SRD5A1: variants seen among roughly 807,000 people sequenced by gnomAD.
SRD5A1 encodes the protein 3-oxo-5-alpha-steroid 4-dehydrogenase 1.
A neutral mutation model predicts 28.2 loss-of-function variants in SRD5A1; 22 were observed. The ratio of observed to expected loss-of-function variants is 0.78; its 90% CI spans 0.56 to 1.12. The LOEUF is 1.12. SRD5A1 is among the 50% of genes most tolerant of loss of function. The pLI is 0.00. For synonymous variants in SRD5A1, 151 were observed against 135.0 expected (o/e 1.12, Z -0.82); for missense variants, 300 against 346.7 (o/e 0.87, Z 1.07).
chr5:6,647,759 C>T (rs1456824790), intron 1 of SRD5A1, among the ~76,000 whole-genome samples: 2 of 152,234 alleles, frequency 1.3e-5, no homozygotes, highest in East Asian at 3.9e-4. Context: ...GGCATTTAGC[C>T]TGTTTACATT....
intron 3 of SRD5A1, among the ~76,000 whole-genome samples, chr5:6,659,117 C>CT (rs1202937847): frequency 0.055 from 7,698 of 140,824 alleles, 496 homozygotes; most frequent in African/African-American, 0.15. Flanking sequence ...AAAAAAAAAT[C>CT]TTTTTTTTTT....
intron 2 of SRD5A1, among the ~76,000 whole-genome samples, chr5:6,654,281 T>TC (rs1298278592): frequency 6.6e-6 from 1 of 152,028 alleles, no homozygotes; most frequent in Non-Finnish European, 1.5e-5. Flanking sequence ...GGTCTTGGAC[T>TC]CCTGACCTCA....
chr5:6,658,784 A>G (rs1738906926), intron 3 of SRD5A1, among the ~76,000 whole-genome samples: 3 of 152,026 alleles, frequency 2.0e-5, no homozygotes, highest in African/African-American at 7.2e-5. Flanking sequence ...AAACCACAGA[A>G]GCATGTTAGA....
chr5:6,637,792 C>T (rs987382380), intron 1 of SRD5A1, among the ~76,000 whole-genome samples: 3 of 152,236 alleles, frequency 2.0e-5, no homozygotes, highest in East Asian at 1.9e-4. Flanking sequence ...CTTTCTGACA[C>T]CTGTCCCAGG....
At chr5:6,654,542 T>G (rs1026337797) in intron 2 of SRD5A1, among the ~76,000 whole-genome samples, 9 of 152,348 alleles carry the variant, frequency 5.9e-5, no homozygotes, top group African/African-American at 2.2e-4. Context: ...CAAGCAATTC[T>G]TGTGCCTCAA....
chr5:6,642,144 G>A (rs534656348), intron 1 of SRD5A1, among the ~76,000 whole-genome samples: 2 of 152,242 alleles, frequency 1.3e-5, no homozygotes, highest in Admixed American at 6.5e-5. Context: ...TTCTTGGTGA[G>A]GGATAACATT....
In SRD5A1 at chr5:6,659,259, G is replaced by A. The variant is rs1399184935; in HGVS notation, c.562+3080G>A. On this transcript the variant is annotated intron_variant, in intron 3 of 4. Coordinates refer to ENST00000274192, the MANE Select transcript of SRD5A1 (RefSeq NM_001047.4). The stretch of plus-strand genomic sequence containing the variant: ...CCCCCGAGTAGCTGGGACTACAGGC[G>A]CCCGCCACCACGCCTGGCTAATTTT... 3.9e-5 allele frequency among the ~76,000 whole-genome samples: 6 copies of A among 151,906 alleles called. No individual in the cohort carries two copies. In the East Asian group the frequency reaches 5.9e-4, roughly 15 times the overall value.
At chr5:6,654,494 C>T (rs527856394) in intron 2 of SRD5A1, among the ~76,000 whole-genome samples, 6 of 152,098 alleles carry the variant, frequency 3.9e-5, no homozygotes, top group South Asian at 2.1e-4. Context: ...AGTGCAGTGG[C>T]GTGATCTTGG....
chr5:6,651,701 A>G, intron 1 of SRD5A1, 141 bp from the exon 2 acceptor site: 1 of 805,852 alleles, frequency 1.2e-6, no homozygotes, highest in Non-Finnish European at 1.9e-6. Flanking sequence ...TAGCTTAGAT[A>G]TAATAAATTA....
intron 4 of SRD5A1, among the ~76,000 whole-genome samples, chr5:6,666,354 C>T (rs8192241): frequency 0.014 from 2,102 of 152,188 alleles, 18 homozygotes; most frequent in Non-Finnish European, 0.016. Flanking sequence ...TTCACCGTGT[C>T]AGCCAGGATG....
At chr5:6,655,119 CTG>C (rs764531924) in intron 2 of SRD5A1, among the ~76,000 whole-genome samples, 1 of 152,186 alleles carries the variant, frequency 6.6e-6, no homozygotes, top group Non-Finnish European at 1.5e-5. Flanking sequence ...CTTTTTCTAA[CTG>C]TGAAAAAGTA....
chr5:6,641,803 C>T (rs187732296), intron 1 of SRD5A1, among the ~76,000 whole-genome samples: 1 of 152,358 alleles, frequency 6.6e-6, no homozygotes, highest in African/African-American at 2.4e-5. Context: ...TTCAAAAATG[C>T]AGCTACGCAG....
intron 2 of SRD5A1, 84 bp from the exon 3 acceptor site, chr5:6,655,994 A>G: frequency 2.0e-6 from 2 of 979,506 alleles, no homozygotes; most frequent in South Asian, 1.3e-5. Context: ...AAGGGTTGCA[A>G]TAATACTGTT....
Position 6,651,871 on chromosome 5 carries a change from G to T in SRD5A1, c.323G>T (p.Gly108Val). The change falls in exon 2 of 5, where the codon GGA becomes GTA. Residue 108 changes from glycine (G) to valine (V), a missense_variant. Physicochemically the swap from Gly to Val is moderately radical, Grantham distance 109 (BLOSUM62 -3). Transcript: ENST00000274192. ...RCLIYPFLMR[G>V]GKPMPLLACT... ...TTAATTTACCCATTTCTGATGCGAG[G>T]AGGAAAGCCTATGCCACTGTTGGCG... 1 of 1,612,102 alleles carries T rather than the reference G, an allele frequency of 6.2e-7. No homozygotes were observed.
chr5:6,633,635 A>C lies in SRD5A1; in HGVS notation c.59A>C (p.Gln20Pro). ...CTGCTGGCCGCGCTCGCCTACCTGC[A>C]GTGCGCCGTGGGCTGCGCGGTCTTC... ...ERLLAALAYL[Q>P]CAVGCAVFAR... Residue 20 changes from glutamine (Q) to proline (P), a missense_variant, in exon 1 of 5, where the codon CAG (glutamine) becomes CCG (proline). Coordinates refer to ENST00000274192, the MANE Select transcript of SRD5A1 (RefSeq NM_001047.4). 2 of 1,551,940 alleles carry C rather than the reference A, an allele frequency of 1.3e-6. No homozygotes were observed. The highest frequency in any genetic ancestry group is 1.7e-6 in the Non-Finnish European group (2 of 1,156,130).
intron 3 of SRD5A1, among the ~76,000 whole-genome samples, chr5:6,656,548 A>G (rs8192210): frequency 1.3e-5 from 2 of 152,300 alleles, no homozygotes; most frequent in East Asian, 3.9e-4. Flanking sequence ...TATTTTGAAA[A>G]TCTTCTTAAA....
intron 1 of SRD5A1, among the ~76,000 whole-genome samples, chr5:6,635,610 T>C (rs1305046046): frequency 6.6e-6 from 1 of 152,234 alleles, no homozygotes; most frequent in Non-Finnish European, 1.5e-5. Context: ...AATGCTTGCA[T>C]GGTGCTGGCG....
chr5:6,644,829 T>A (rs1275769759), intron 1 of SRD5A1: 6 of 454,888 alleles, frequency 1.3e-5, no homozygotes, highest in African/African-American at 2.0e-5. Context: ...ATGCAAGCAC[T>A]TGCAGTGTGC....
intron 1 of SRD5A1, among the ~76,000 whole-genome samples, chr5:6,639,670 G>T (rs1738303258): frequency 6.6e-6 from 1 of 152,108 alleles, no homozygotes; most frequent in Admixed American, 6.5e-5. Flanking sequence ...TTTTCTCCAA[G>T]CCTTTTTAGG....
Sources: allele counts gnomAD v4.1 joint callset (sites outside exome capture counted in the v4.1 genomes callset), GRCh38; gene constraint gnomAD v4.1.1; transcripts MANE v1.5; gene names NCBI Gene and HGNC (gene_info 2026-07-23, HGNC 2026-07-21).